The following RAD51B variants were observed in gnomAD, a reference collection of about 807,000 sequenced individuals.
RAD51B encodes the protein DNA repair protein RAD51 homolog 2.
A neutral mutation model predicts 42.2 loss-of-function variants in RAD51B; 38 were observed. The ratio of observed to expected loss-of-function variants is 0.90; its 90% CI spans 0.70 to 1.18. The LOEUF is 1.18. Among genes scored for constraint, RAD51B ranks in the 50% most tolerant of loss-of-function variants. The pLI is 0.00. For missense variants in RAD51B, 373 were observed against 400.7 expected (o/e 0.93, Z 0.59); for synonymous variants, 154 against 145.2 (o/e 1.06, Z -0.43).
At chr14:68,583,795 A>G (rs911634649) in intron 10 of RAD51B, among the ~76,000 whole-genome samples, 2 of 152,210 alleles carry the variant, frequency 1.3e-5, no homozygotes, top group African/African-American at 4.8e-5. Flanking sequence ...GGCTCAGGGA[A>G]TTGACCAGGG....
rs554968271 is a variant in RAD51B, at chr14:67,978,240, C to T, written c.756+91036C>T. On this transcript the variant is annotated intron_variant, in intron 7 of 10. Transcript: ENST00000471583. ...GCATGTAGGGGTTTCAGCCAAGATT[C>T]CTGTCTTTAGTACTGGAATATTTGA... 3.0e-4 allele frequency among the ~76,000 whole-genome samples: 46 copies of T among 151,888 alleles called. No homozygotes were observed. The South Asian group carries it at 7.9e-3, about 26-fold the overall frequency.
At chr14:68,196,976 TC>T (rs1166919797) in intron 7 of RAD51B, among the ~76,000 whole-genome samples, 1 of 152,222 alleles carries the variant, frequency 6.6e-6, no homozygotes, top group African/African-American at 2.4e-5. Flanking sequence ...ATGCTGGAAA[TC>T]CTATAAACAA....
rs547448612 is a variant in RAD51B, at chr14:68,524,551, C to T, written c.1036+56301C>T. Among the ~76,000 whole-genome samples the T allele has an allele frequency of 4.6e-5, 7 of 152,248 alleles. No homozygotes were observed. The East Asian group carries it at 1.3e-3, about 29-fold the overall frequency. ...GCTCGAGCTGGCTTTGAAGTTGTGC[C>T]TAACAGATCCGAGATGCATGATGAA... is the stretch of plus-strand genomic sequence containing the variant. On this transcript the variant is annotated intron_variant, in intron 10 of 10. Transcript: ENST00000487270.
chr14:68,661,038 C>T (rs534442597), intron 11 of RAD51B, among the ~76,000 whole-genome samples: 42 of 152,266 alleles, frequency 2.8e-4, no homozygotes, highest in African/African-American at 6.7e-4. Context: ...GTGGCTTGAG[C>T]GGAGCTGCAG....
chr14:68,134,773 T>C lies in RAD51B; in HGVS notation c.757-157111T>C, dbSNP rs73288005. Among the ~76,000 whole-genome samples, 1,143 of 146,678 alleles carry C rather than the reference T, an allele frequency of 7.8e-3. 14 individuals are homozygous for C. The highest frequency in any genetic ancestry group is 0.03 in the African/African-American group (1,108 of 36,346). On this transcript the variant is annotated intron_variant, in intron 7 of 10. Transcript: ENST00000471583. ...TTTTTTGCTAATTTTCTAATTGGGT[T>C]ATTTGATTTTTTTAATGTTGAATTT...
At chr14:68,042,994 T>C (rs964772903) in intron 7 of RAD51B, among the ~76,000 whole-genome samples, 1 of 152,124 alleles carries the variant, frequency 6.6e-6, no homozygotes, top group African/African-American at 2.4e-5. Context: ...AGAATCAGAA[T>C]GTAGGTGATC....
chr14:67,946,356 T>G (rs2045391187), intron 7 of RAD51B, among the ~76,000 whole-genome samples: 2 of 151,726 alleles, frequency 1.3e-5, no homozygotes, highest in African/African-American at 2.4e-5. Flanking sequence ...GTTCCTCTTT[T>G]TTGTTGTTGT....
intron 7 of RAD51B, among the ~76,000 whole-genome samples, chr14:68,289,551 C>G (rs1355166052): frequency 6.6e-6 from 1 of 151,506 alleles, no homozygotes; most frequent in Admixed American, 6.6e-5. Context: ...CCCATCTCTA[C>G]TAAAAATACA....
At chr14:68,534,101 G>A (rs1887473737) in intron 10 of RAD51B, among the ~76,000 whole-genome samples, 2 of 152,302 alleles carry the variant, frequency 1.3e-5, no homozygotes, top group East Asian at 1.9e-4. Context: ...AAAAATTATT[G>A]GAGTAGAAAT....
intron 7 of RAD51B, among the ~76,000 whole-genome samples, chr14:68,291,505 A>G (rs899800290): frequency 4.6e-5 from 7 of 152,246 alleles, no homozygotes; most frequent in Non-Finnish European, 8.8e-5. Context: ...CCTGGTGGAT[A>G]TAACTTTAAA....
chr14:68,486,439 C>A (rs1883629899), intron 10 of RAD51B, among the ~76,000 whole-genome samples: 1 of 152,180 alleles, frequency 6.6e-6, no homozygotes, highest in African/African-American at 2.4e-5. Flanking sequence ...GCACCATCGT[C>A]CAAACCCCAC....
rs75617123 is a variant in RAD51B at position 68,371,036 on chromosome 14, C to CAAAAAAAAAAAAAAAAAAAAAAA, written c.854-40369_854-40368insAAAAAAAAAAAAAAAAAAAAAAA. On this transcript the variant is annotated intron_variant, in intron 8 of 10. Coordinates refer to ENST00000471583, the MANE Select transcript of RAD51B (RefSeq NM_133510.4). ...TGGGCAACAGAGCAAGACTCTGTCTCAAAAAAAAAAAAAAAAAAAGAAAAA... is the reference window on the plus strand; with the variant it reads ...TGGGCAACAGAGCAAGACTCTGTCTCAAAAAAAAAAAAAAAAAAAAAAAAAAAAAAAAAAAAAAAAAAGAAAAA... Among the ~76,000 whole-genome samples the CAAAAAAAAAAAAAAAAAAAAAAA allele has an allele frequency of 4.6e-4, 12 of 26,102 alleles. 1 individual carries two copies. The East Asian group carries it at 4.9e-3, about 11-fold the overall frequency. 17.1% of individuals were successfully genotyped at this position (26,102 alleles called of 152,430 possible).
At chr14:68,210,905 C>T (rs571158651) in intron 7 of RAD51B, among the ~76,000 whole-genome samples, 7 of 152,206 alleles carry the variant, frequency 4.6e-5, no homozygotes, top group African/African-American at 1.4e-4. Context: ...GGCTGAGTCA[C>T]CAAGTAAAAT....
intron 7 of RAD51B, among the ~76,000 whole-genome samples, chr14:68,152,805 C>T (rs922132922): frequency 4.6e-5 from 7 of 151,780 alleles, no homozygotes; most frequent in African/African-American, 1.7e-4. Context: ...CTCTTTGTGT[C>T]CATCAGTTTT....
At chr14:68,618,597 T>A (rs1891874913) in intron 10 of RAD51B, among the ~76,000 whole-genome samples, 1 of 152,218 alleles carries the variant, frequency 6.6e-6, no homozygotes, top group African/African-American at 2.4e-5. Flanking sequence ...CATTAAATTC[T>A]CCTCTTTTTC....
At chr14:68,382,285 C>T (rs1218500868) in intron 8 of RAD51B, among the ~76,000 whole-genome samples, 1 of 152,120 alleles carries the variant, frequency 6.6e-6, no homozygotes, top group South Asian at 2.1e-4. Context: ...TTGTGACAAC[C>T]AAAAATGTCT....
At chr14:67,912,263 T>G (rs1278208291) in intron 7 of RAD51B, among the ~76,000 whole-genome samples, 1 of 152,224 alleles carries the variant, frequency 6.6e-6, no homozygotes, top group African/African-American at 2.4e-5. Context: ...AAGGTCTGTA[T>G]TCACTCGGAA....
At chr14:68,191,042 A>T (rs867275724) in intron 7 of RAD51B, among the ~76,000 whole-genome samples, 45 of 152,010 alleles carry the variant, frequency 3.0e-4, no homozygotes, top group African/African-American at 8.0e-4. Flanking sequence ...GCTTTTTTTT[A>T]AAAAAAGAGA....
chr14:68,052,556 C>G lies in RAD51B; in HGVS notation c.756+165352C>G, dbSNP rs560121590. ...CATCATCTCTAGCCATTTCTAGATA[C>G]CTTTATTCTTTTCTTCTCTTGATGT... On this transcript the variant is annotated intron_variant, in intron 7 of 10. Transcript: ENST00000471583. Among the ~76,000 whole-genome samples, 75 of 151,956 alleles carry G rather than the reference C, an allele frequency of 4.9e-4. 2 individuals are homozygous for G. In the South Asian group the frequency reaches 0.014, roughly 29 times the overall value.
Sources: allele counts gnomAD v4.1 joint callset (sites outside exome capture counted in the v4.1 genomes callset), GRCh38; gene constraint gnomAD v4.1.1; transcripts MANE v1.5; gene names NCBI Gene and HGNC (gene_info 2026-07-23, HGNC 2026-07-21).